CDH12: variants seen among roughly 807,000 people sequenced by gnomAD.
CDH12 encodes cadherin-12.
Under a neutral mutation model 74.1 loss-of-function variants are expected in CDH12, and 41 were observed. The observed-to-expected ratio is 0.55, with a 90% confidence interval of 0.43 to 0.72. CDH12 has a LOEUF of 0.72. CDH12 is among the 30% of genes least tolerant of loss of function. The probability of loss-of-function intolerance (pLI) is 0.00; values close to 1 mark genes in which losing one functional copy is unlikely to be tolerated. For synonymous variants in CDH12, 399 were observed against 355.0 expected (o/e 1.12, Z -1.39); for missense variants, 945 against 977.2 (o/e 0.97, Z 0.44).
At chr5:22,461,926 T>C (rs1745543594) in intron 2 of CDH12, among the ~76,000 whole-genome samples, 1 of 152,006 alleles carries the variant, frequency 6.6e-6, no homozygotes, top group African/African-American at 2.4e-5. Context: ...TTTTTAATGA[T>C]TGGGAAAAAT....
chr5:22,197,160 A>G (rs976718426), intron 4 of CDH12, among the ~76,000 whole-genome samples: 1 of 152,146 alleles, frequency 6.6e-6, no homozygotes, highest in African/African-American at 2.4e-5. Context: ...GAATGGAAAG[A>G]ATAGCCGGGT....
At chr5:22,652,526 T>C (rs1739797636) in intron 1 of CDH12, among the ~76,000 whole-genome samples, 1 of 152,210 alleles carries the variant, frequency 6.6e-6, no homozygotes, top group East Asian at 1.9e-4. Flanking sequence ...TGTCCTTTAG[T>C]TATTTCCTTG....
intron 3 of CDH12, among the ~76,000 whole-genome samples, chr5:22,352,765 C>A (rs563673632): frequency 6.6e-5 from 10 of 152,208 alleles, no homozygotes; most frequent in African/African-American, 2.2e-4. Context: ...AATGCGAAAC[C>A]CTCTGACATA....
At chr5:22,414,203 G>T (rs185660797) in intron 2 of CDH12, among the ~76,000 whole-genome samples, 54 of 151,924 alleles carry the variant, frequency 3.6e-4, no homozygotes, top group Admixed American at 7.2e-4. Flanking sequence ...ATAATCAAAA[G>T]AAATATTTTT....
chr5:21,891,346 A>G (rs906913743), intron 6 of CDH12, among the ~76,000 whole-genome samples: 54 of 152,114 alleles, frequency 3.5e-4, no homozygotes, highest in African/African-American at 1.3e-3. Flanking sequence ...GGAAAATTCA[A>G]CAAAGAAGTA....
intron 2 of CDH12, among the ~76,000 whole-genome samples, chr5:22,476,649 ATATT>A (rs1746184560): frequency 6.6e-6 from 1 of 152,164 alleles, no homozygotes; most frequent in Non-Finnish European, 1.5e-5. Context: ...TGTAACCAAT[ATATT>A]TATTTGTATA....
At chr5:22,554,985 A>T (rs1738733816) in intron 1 of CDH12, among the ~76,000 whole-genome samples, 1 of 152,148 alleles carries the variant, frequency 6.6e-6, no homozygotes, top group Admixed American at 6.6e-5. Context: ...CATGAAGAAA[A>T]TAAAAACAGT....
intron 2 of CDH12, among the ~76,000 whole-genome samples, chr5:22,500,610 A>G (rs1249366905): frequency 1.3e-5 from 2 of 152,180 alleles, no homozygotes; most frequent in Non-Finnish European, 2.9e-5. Flanking sequence ...CTTGCAAATG[A>G]CAGGTCAATG....
At chr5:22,852,335 TG>T (rs1737596059) in intron 1 of CDH12, among the ~76,000 whole-genome samples, 1 of 152,338 alleles carries the variant, frequency 6.6e-6, no homozygotes, top group Admixed American at 6.5e-5. Context: ...ACTTATAAAA[TG>T]CTGAAGGTCT....
intron 9 of CDH12, among the ~76,000 whole-genome samples, chr5:21,810,062 A>G (rs1225622051): frequency 1.3e-5 from 2 of 152,126 alleles, no homozygotes; most frequent in Non-Finnish European, 2.9e-5. Flanking sequence ...ATTGGTAGAC[A>G]TCGCAATGAT....
intron 1 of CDH12, among the ~76,000 whole-genome samples, chr5:22,538,164 T>A (rs749579470): frequency 4.6e-5 from 7 of 152,198 alleles, no homozygotes; most frequent in Non-Finnish European, 8.8e-5. Context: ...CATTTGTATC[T>A]GTTTCTTTCT....
chr5:22,247,699 A>G (rs1333523781), intron 3 of CDH12, among the ~76,000 whole-genome samples: 1 of 151,964 alleles, frequency 6.6e-6, no homozygotes, highest in East Asian at 1.9e-4. Flanking sequence ...AAAGAAAAGT[A>G]TTTGGTAACT....
intron 5 of CDH12, among the ~76,000 whole-genome samples, chr5:22,059,299 T>TATCTATCTATC (rs1740999333): frequency 7.0e-6 from 1 of 142,842 alleles, no homozygotes; most frequent in African/African-American, 2.6e-5. Context: ...ATCTATCATC[T>TATCTATCTATC]ATCTATCTAT....
intron 9 of CDH12, among the ~76,000 whole-genome samples, chr5:21,804,465 G>A (rs1287313591): frequency 6.6e-6 from 1 of 152,002 alleles, no homozygotes; most frequent in African/African-American, 2.4e-5. Context: ...TACTGCCAAG[G>A]CAAGGAAAGA....
intron 3 of CDH12, among the ~76,000 whole-genome samples, chr5:22,376,735 C>A (rs945792069): frequency 6.9e-6 from 1 of 145,786 alleles, no homozygotes; most frequent in African/African-American, 2.5e-5. Flanking sequence ...ATTGCCCAGG[C>A]CAGTCTCAAA....
intron 1 of CDH12, among the ~76,000 whole-genome samples, chr5:22,757,927 A>T (rs879390154): frequency 2.0e-5 from 3 of 152,210 alleles, no homozygotes; most frequent in Non-Finnish European, 4.4e-5. Flanking sequence ...GTAGTACAAC[A>T]TCATGAAGTG....
intron 2 of CDH12, among the ~76,000 whole-genome samples, chr5:22,446,516 G>T (rs182882577): frequency 1.3e-5 from 2 of 151,964 alleles, no homozygotes; most frequent in Non-Finnish European, 2.9e-5. Context: ...CATAAAGCTC[G>T]GATAGAAGTT....
intron 3 of CDH12, among the ~76,000 whole-genome samples, chr5:22,384,184 T>C (rs1188352996): frequency 6.6e-6 from 1 of 152,120 alleles, no homozygotes; most frequent in Non-Finnish European, 1.5e-5. Context: ...ATGCATACTG[T>C]AGTGCATCTA....
intron 2 of CDH12, among the ~76,000 whole-genome samples, chr5:22,453,381 G>A (rs144996140): frequency 3.8e-4 from 58 of 152,146 alleles, no homozygotes; most frequent in Middle Eastern, 3.4e-3. Context: ...GTATGTATAC[G>A]CACAATGGAA....
Sources: allele counts gnomAD v4.1 joint callset (sites outside exome capture counted in the v4.1 genomes callset), GRCh38; gene constraint gnomAD v4.1.1; transcripts MANE v1.5; gene names NCBI Gene and HGNC (gene_info 2026-07-23, HGNC 2026-07-21).